The following TBC1D15 variants were observed in gnomAD, a reference collection of about 807,000 sequenced individuals.
The protein encoded by TBC1D15 is TBC1 domain family member 15.
TBC1D15 carries 39 observed loss-of-function variants against 95.4 expected under a neutral mutation model. The ratio of observed to expected loss-of-function variants is 0.41; its 90% CI spans 0.32 to 0.53. The LOEUF is 0.53. TBC1D15 is among the 20% of genes least tolerant of loss of function. The pLI, the probability that TBC1D15 is intolerant of heterozygous loss-of-function variation, is 0.29. For missense variants in TBC1D15, 733 were observed against 794.3 expected, an observed-to-expected ratio of 0.92 and a Z score of 0.93; for synonymous variants, 258 against 261.3, an observed-to-expected ratio of 0.99 and a Z score of 0.12.
chr12:71,901,737 A>G lies in TBC1D15; in HGVS notation c.1183+3796A>G, dbSNP rs569622466. 8.5e-5 allele frequency among the ~76,000 whole-genome samples: 13 copies of G among 152,246 alleles called. No individual in the cohort carries two copies. The East Asian group carries it at 1.9e-3, about 23-fold the overall frequency. Reference sequence around the variant, plus strand: ...ACCCACTCTGACACTTTTATTCAGCATGGTACTATAATCAGGCAAGAGAAA... The same window carrying G: ...ACCCACTCTGACACTTTTATTCAGCGTGGTACTATAATCAGGCAAGAGAAA... On this transcript the variant is annotated intron_variant, in intron 10 of 16. Transcript: ENST00000485960.
intron 10 of TBC1D15, among the ~76,000 whole-genome samples, chr12:71,904,973 C>CT (rs1435055196): frequency 4.6e-5 from 7 of 152,000 alleles, no homozygotes; most frequent in Admixed American, 2.0e-4. Context: ...TTTCTTCAGC[C>CT]TTTTTTTAGC....
At chr12:71,877,342 T>C (rs1255244482) in intron 3 of TBC1D15, among the ~76,000 whole-genome samples, 6 of 151,664 alleles carry the variant, frequency 4.0e-5, no homozygotes, top group Non-Finnish European at 7.4e-5. Context: ...TGAGCTCTTT[T>C]AATATGGAAA....
intron 10 of TBC1D15, among the ~76,000 whole-genome samples, chr12:71,904,640 C>T (rs1220037741): frequency 6.6e-5 from 10 of 152,014 alleles, no homozygotes; most frequent in Admixed American, 5.9e-4. Flanking sequence ...TTGGTCTTTG[C>T]CACAGAGTTA....
intron 1 of TBC1D15, among the ~76,000 whole-genome samples, chr12:71,855,943 T>G (rs10784940): frequency 0.23 from 32,753 of 144,298 alleles, 5,686 homozygotes; most frequent in African/African-American, 0.48. Context: ...TGGTTTTTTT[T>G]GGGGGGGGGT....
At chr12:71,901,250 G>T (rs1239012782) in intron 10 of TBC1D15, among the ~76,000 whole-genome samples, 2 of 152,050 alleles carry the variant, frequency 1.3e-5, no homozygotes, top group African/African-American at 4.8e-5. Flanking sequence ...TCCAACTCCT[G>T]GCCTCAAGCA....
At chr12:71,845,352 T>C (rs1886030804) in intron 1 of TBC1D15, among the ~76,000 whole-genome samples, 1 of 152,182 alleles carries the variant, frequency 6.6e-6, no homozygotes, top group Non-Finnish European at 1.5e-5. Context: ...GAGATCAGAA[T>C]GTTATTTTAG....
chr12:71,903,844 G>A (rs1900028981), intron 10 of TBC1D15, among the ~76,000 whole-genome samples: 1 of 152,158 alleles, frequency 6.6e-6, no homozygotes, highest in Admixed American at 6.5e-5. Context: ...TAGACACTGG[G>A]GCTGTTTGAG....
Position 71,896,711 on chromosome 12 carries a change from A to G in TBC1D15, c.1019A>G (p.Lys340Arg). The stretch of plus-strand genomic sequence containing the variant: ...CATGCATTGAGAAAGCAAGCATGGA[A>G]ATTTCTTCTGGGTTATTTTCCCTGG... Reference protein sequence around the residue: ...LSHALRKQAWKFLLGYFPWDS... With the variant: ...LSHALRKQAWRFLLGYFPWDS... Residue 340 changes from lysine (K) to arginine (R), a missense_variant, in exon 9 of 17, where the codon AAA (lysine) becomes AGA (arginine). Coordinates refer to ENST00000485960, the MANE Select transcript of TBC1D15 (RefSeq NM_001146213.3). 2 of 1,613,050 alleles carry G rather than the reference A, an allele frequency of 1.2e-6. No individual in the cohort carries two copies. The highest frequency in any genetic ancestry group is 1.3e-5 in the African/African-American group (1 of 74,980).
At chr12:71,919,220 TA>T (rs201587749) in intron 14 of TBC1D15, among the ~76,000 whole-genome samples, 4,077 of 117,390 alleles carry the variant, frequency 0.035, 172 homozygotes, top group African/African-American at 0.11. Flanking sequence ...TTTTTTTTTT[TA>T]AAGAGAAGGG....
intron 1 of TBC1D15, among the ~76,000 whole-genome samples, chr12:71,863,876 A>G (rs564570485): frequency 6.6e-6 from 1 of 151,100 alleles, no homozygotes; most frequent in East Asian, 1.9e-4. Context: ...CTCTTTTTTT[A>G]TTATTTCTAT....
At chr12:71,859,486 C>T (rs1889905955) in intron 1 of TBC1D15, among the ~76,000 whole-genome samples, 1 of 150,994 alleles carries the variant, frequency 6.6e-6, no homozygotes, top group Non-Finnish European at 1.5e-5. Flanking sequence ...GTTGCCAGTG[C>T]TTTTGCATTC....
chr12:71,864,538 C>T (rs979355040), intron 1 of TBC1D15, among the ~76,000 whole-genome samples: 12 of 150,652 alleles, frequency 8.0e-5, no homozygotes, highest in African/African-American at 2.2e-4. Flanking sequence ...GATGGAGTCT[C>T]GCTCTGTTGC....
At chr12:71,856,766 G>GT (rs1202985829) in intron 1 of TBC1D15, among the ~76,000 whole-genome samples, 1 of 152,136 alleles carries the variant, frequency 6.6e-6, no homozygotes, top group Non-Finnish European at 1.5e-5. Flanking sequence ...CAAACAGCAC[G>GT]TAGGATATTG....
At chr12:71,849,427 A>G (rs1207214213) in intron 1 of TBC1D15, 2 of 1,206,996 alleles carry the variant, frequency 1.7e-6, no homozygotes, top group East Asian at 2.3e-5. Context: ...GTAATCAGTC[A>G]AAACACTCCA....
At position 71,884,854 on chromosome 12, in the gene TBC1D15, G is replaced by A. The variant is rs766770522; in HGVS notation, c.387G>A (p.Leu129=). 3.7e-6 allele frequency: 6 copies of A among 1,613,956 alleles called. No homozygotes were observed. Among genetic ancestry groups the A allele is most frequent in the Middle Eastern group, 1.7e-4 (1 of 6,060 alleles). ...HRNGKSKWSF[L]FSLTDLKSIK... is the part of the protein sequence containing the mutation. ...ATGGGAAAAGCAAATGGTCATTCCT[G>A]TTCAGTTTGACAGACCTGAAATCAA... The change falls in exon 5 of 17, where the codon CTG becomes CTA. Residue 129 remains leucine, a synonymous_variant. Coordinates refer to ENST00000485960, the MANE Select transcript of TBC1D15 (RefSeq NM_001146213.3).
At chr12:71,880,378 G>C (rs1489171679) in intron 3 of TBC1D15, 91 bp from the exon 4 acceptor site, 2 of 1,116,332 alleles carry the variant, frequency 1.8e-6, no homozygotes, top group Non-Finnish European at 1.3e-6. Flanking sequence ...GTCGTCTGCA[G>C]CCTGCCTACA....
Position 71,923,219 on chromosome 12 carries a change from T to G in TBC1D15, c.*15T>G. 5 of 1,609,008 alleles carry G rather than the reference T, an allele frequency of 3.1e-6. No homozygotes were observed. Among genetic ancestry groups the G allele is most frequent in the Non-Finnish European group, 3.4e-6 (4 of 1,176,192 alleles). On this transcript the variant is annotated 3_prime_UTR_variant, in exon 17 of 17. Transcript: ENST00000485960. ...CACCTGCATGATCACTGTTCTTGCT[T>G]TTTTGGGAAGAGACACTTTGTTGCA...
At chr12:71,918,584 A>G (rs1309758811) in intron 14 of TBC1D15, 36 bp downstream of exon 14, 1 of 1,310,284 alleles carries the variant, frequency 7.6e-7, no homozygotes, top group African/African-American at 1.5e-5. Context: ...TGTGATATTT[A>G]TTATGAAAAG....
chr12:71,902,746 T>C lies in TBC1D15; in HGVS notation c.1184-4276T>C, dbSNP rs1055543737. Reference sequence around the variant, plus strand: ...GACAAGTGGGACCTAATTAAAGAGCTTGTGTACAGCAAAAGAAACTATCAA... The same window carrying C: ...GACAAGTGGGACCTAATTAAAGAGCCTGTGTACAGCAAAAGAAACTATCAA... On this transcript the variant is annotated intron_variant, in intron 10 of 16. Coordinates refer to ENST00000485960, the MANE Select transcript of TBC1D15 (RefSeq NM_001146213.3). 2.0e-5 allele frequency among the ~76,000 whole-genome samples: 3 copies of C among 152,138 alleles called. No homozygotes were observed. In the East Asian group the frequency reaches 5.8e-4, roughly 29 times the overall value.
Sources: allele counts gnomAD v4.1 joint callset (sites outside exome capture counted in the v4.1 genomes callset), GRCh38; gene constraint gnomAD v4.1.1; transcripts MANE v1.5; gene names NCBI Gene and HGNC (gene_info 2026-07-23, HGNC 2026-07-21).